CCDC171: variants seen among roughly 807,000 people sequenced by gnomAD.
CCDC171 encodes the protein coiled-coil domain containing 171.
In CCDC171, 177 loss-of-function variants were observed where a neutral mutation model predicts 168.2. That is an observed-to-expected ratio of 1.05 (90% CI 0.93 to 1.19). The LOEUF (loss-of-function observed/expected upper bound fraction) is 1.19, where lower values mean the gene tolerates loss of function less well. CCDC171 is among the 50% of genes most tolerant of loss of function. The probability of loss-of-function intolerance (pLI) is 0.00; values close to 1 mark genes in which losing one functional copy is unlikely to be tolerated. For synonymous variants in CCDC171, 687 were observed against 540.8 expected, an observed-to-expected ratio of 1.27 and a Z score of -3.75; for missense variants, 1,991 against 1,539.0, an observed-to-expected ratio of 1.29 and a Z score of -4.91.
chr9:15,908,760 G>C (rs529281473), intron 24 of CCDC171, among the ~76,000 whole-genome samples: 1 of 152,174 alleles, frequency 6.6e-6, no homozygotes, highest in Admixed American at 6.5e-5. Flanking sequence ...TAAGATTCTG[G>C]CAGAAGGTGA....
At chr9:15,675,318 C>T (rs1279931325) in intron 9 of CCDC171, among the ~76,000 whole-genome samples, 2 of 149,702 alleles carry the variant, frequency 1.3e-5, no homozygotes, top group Non-Finnish European at 1.5e-5. Flanking sequence ...GGTCTTGACT[C>T]TTTATGCAAT....
intron 21 of CCDC171, among the ~76,000 whole-genome samples, chr9:15,835,788 TAAC>T (rs1563838381): frequency 1.3e-5 from 2 of 152,192 alleles, no homozygotes; most frequent in South Asian, 2.1e-4. Context: ...ATAAAAATAT[TAAC>T]AAGAAATAAG....
At chr9:15,873,777 A>G (rs965008093) in intron 23 of CCDC171, among the ~76,000 whole-genome samples, 2 of 152,110 alleles carry the variant, frequency 1.3e-5, no homozygotes, top group Admixed American at 6.6e-5. Flanking sequence ...TGGCAGTGTG[A>G]TATCAACTGC....
At chr9:15,919,921 C>T (rs1278976177) in intron 24 of CCDC171, among the ~76,000 whole-genome samples, 1 of 151,538 alleles carries the variant, frequency 6.6e-6, no homozygotes, top group Non-Finnish European at 1.5e-5. Context: ...TAAGATTGCA[C>T]CTCTCTTAAG....
intron 14 of CCDC171, among the ~76,000 whole-genome samples, chr9:15,726,362 AC>A (rs1297612978): frequency 1.3e-5 from 2 of 152,206 alleles, no homozygotes; most frequent in African/African-American, 4.8e-5. Flanking sequence ...AGCAAAAAGG[AC>A]ATAATAGCGA....
intron 21 of CCDC171, among the ~76,000 whole-genome samples, chr9:15,790,711 A>C (rs1355485601): frequency 1.3e-5 from 2 of 152,142 alleles, no homozygotes; most frequent in South Asian, 4.2e-4. Context: ...GTTTTCTTCT[A>C]GGGTTTTTAT....
intron 3 of CCDC171, among the ~76,000 whole-genome samples, chr9:16,016,605 G>T (rs10810515): frequency 6.6e-6 from 1 of 152,056 alleles, no homozygotes; most frequent in Non-Finnish European, 1.5e-5. Flanking sequence ...CAAATCCAGC[G>T]TAGTGTTACT....
chr9:16,094,260 A>G, the CCDC171 span, among the ~76,000 whole-genome samples: 1 of 152,218 alleles, frequency 6.6e-6, no homozygotes, highest in Admixed American at 6.5e-5. Context: ...GGAGGTGCCT[A>G]TGTGAAATCA....
At chr9:15,894,947 G>A (rs978667971) in intron 24 of CCDC171, among the ~76,000 whole-genome samples, 1 of 152,058 alleles carries the variant, frequency 6.6e-6, no homozygotes, top group South Asian at 2.1e-4. Context: ...AACATAATGG[G>A]TGCTCAATAA....
chr9:15,628,780 C>G (rs928497174), intron 7 of CCDC171, among the ~76,000 whole-genome samples: 33 of 152,190 alleles, frequency 2.2e-4, no homozygotes, highest in East Asian at 5.8e-4. Context: ...GAGGCACCCC[C>G]CAGTAGAGGC....
chr9:15,638,974 T>C (rs2046398391), intron 7 of CCDC171, among the ~76,000 whole-genome samples: 1 of 152,054 alleles, frequency 6.6e-6, no homozygotes, highest in Admixed American at 6.6e-5. Flanking sequence ...AACTGAAGAA[T>C]CTTCTGAAGA....
At chr9:15,559,757 A>T (rs1046898725) in intron 1 of CCDC171, among the ~76,000 whole-genome samples, 1 of 152,054 alleles carries the variant, frequency 6.6e-6, no homozygotes, top group African/African-American at 2.4e-5. Context: ...GTATGTGTGA[A>T]TTTGATCCTG....
intron 7 of CCDC171, among the ~76,000 whole-genome samples, chr9:15,648,512 C>A: frequency 6.6e-6 from 1 of 152,052 alleles, no homozygotes; most frequent in Non-Finnish European, 1.5e-5. Context: ...TCGTCTCAGC[C>A]CAAAATCTCC....
chr9:15,998,124 C>T (rs1317082086), intron 3 of CCDC171, among the ~76,000 whole-genome samples: 2 of 152,176 alleles, frequency 1.3e-5, no homozygotes, highest in African/African-American at 4.8e-5. Context: ...ACCAAGTCCC[C>T]CAGAGAGATC....
chr9:15,950,244 C>T (rs1197758118), intron 25 of CCDC171, among the ~76,000 whole-genome samples: 6 of 75,292 alleles, frequency 8.0e-5, no homozygotes, highest in Non-Finnish European at 1.9e-4. Context: ...GCAAGGCAGG[C>T]CAACATTCAA....
chr9:15,581,779 C>T (rs527364452), intron 4 of CCDC171, among the ~76,000 whole-genome samples: 7 of 152,018 alleles, frequency 4.6e-5, no homozygotes, highest in African/African-American at 1.5e-4. Context: ...CAAAAATTAA[C>T]TCAAGATGGA....
intron 3 of CCDC171, among the ~76,000 whole-genome samples, chr9:16,000,957 G>C (rs1720018009): frequency 6.6e-6 from 1 of 152,178 alleles, no homozygotes; most frequent in South Asian, 2.1e-4. Context: ...TCAGAGTCCA[G>C]TGTTTTGTCC....
downstream of CCDC171, among the ~76,000 whole-genome samples, chr9:15,977,452 T>C (rs1831659104): frequency 6.6e-6 from 1 of 152,228 alleles, no homozygotes; most frequent in African/African-American, 2.4e-5. Flanking sequence ...GTTTTGCTCC[T>C]TCCTCTAAAT....
chr9:15,705,001 G>A (rs577171383), intron 11 of CCDC171, among the ~76,000 whole-genome samples: 1 of 151,968 alleles, frequency 6.6e-6, no homozygotes, highest in African/African-American at 2.4e-5. Context: ...AAGTTCTGGG[G>A]ATCTAATGTA....
Sources: gnomAD v4.1 joint callset for allele counts (sites outside exome capture counted in the v4.1 genomes callset) on GRCh38, gnomAD v4.1.1 for gene constraint, MANE v1.5 for transcripts, NCBI Gene and HGNC (gene_info 2026-07-23, HGNC 2026-07-21) for gene names.